Variants in SLC3A2 observed in about 807,000 individuals in gnomAD.
The protein encoded by SLC3A2 is solute carrier family 3 member 2, also known as amino acid transporter heavy chain SLC3A2.
SLC3A2 carries 32 observed loss-of-function variants against 48.5 expected under a neutral mutation model. That is an observed-to-expected ratio of 0.66 (90% CI 0.50 to 0.89). SLC3A2 has a LOEUF of 0.89. Ranked by LOEUF, SLC3A2 falls within the 40% of genes least tolerant of loss-of-function variation. The pLI, the probability that SLC3A2 is intolerant of heterozygous loss-of-function variation, is 0.00. For synonymous variants in SLC3A2, 277 were observed against 288.8 expected (o/e 0.96, Z 0.41); for missense variants, 587 against 680.7 (o/e 0.86, Z 1.53).
Position 62,886,289 on chromosome 11 carries a change from C to CAA in SLC3A2, c.1143+691_1143+692dup, listed in dbSNP as rs201054211. ...GGGCGGCAGAGGGAGACTCCTTCTC[C>CAA]AAAAAAAAAAAGAAAAGAAAAGAAA... On this transcript the variant is annotated intron_variant, in intron 7 of 8. Transcript: ENST00000338663. 417 of 132,766 alleles carry CAA rather than the reference C, an allele frequency of 3.1e-3. 3 individuals carry two copies. Among genetic ancestry groups the CAA allele is most frequent in the African/African-American group, 9.4e-3 (346 of 36,620 alleles). 8.2% of individuals were successfully genotyped at this position (132,766 alleles called of 1,614,324 possible). A position where few individuals can be genotyped will look rare whatever the true frequency, so the allele number is the denominator to read the frequency against.
In SLC3A2 at chr11:62,857,695, CAAAAAA is replaced by C. The variant is rs56818745; in HGVS notation, c.112+1337_112+1342del. ...TGGATGACTGAGATTGACCCTGTCTCAAAAAAAAAAAAAAAAAAAAAAAAAAAATGT... is the reference window on the plus strand; with the variant it reads ...TGGATGACTGAGATTGACCCTGTCTCAAAAAAAAAAAAAAAAAAAAAATGT... On this transcript the variant is annotated intron_variant, in intron 1 of 9. Coordinates refer to the SLC3A2 transcript ENST00000377889. 6.4e-3 allele frequency among the ~76,000 whole-genome samples: 340 copies of C among 52,814 alleles called. 1 individual carries two copies. Among genetic ancestry groups the C allele is most frequent in the African/African-American group, 0.023 (288 of 12,676 alleles). 34.6% of individuals were successfully genotyped at this position (52,814 alleles called of 152,430 possible).
chr11:62,858,978 C>T (rs1168424971), intron 1 of SLC3A2, among the ~76,000 whole-genome samples: 4 of 152,048 alleles, frequency 2.6e-5, no homozygotes, highest in African/African-American at 7.2e-5. Context: ...TGCCCAGGGA[C>T]GGGCAGGAGA....
chr11:62,862,333 CA>C (rs71065311), intron 1 of SLC3A2, among the ~76,000 whole-genome samples: 5 of 55,910 alleles, frequency 8.9e-5, no homozygotes, highest in Admixed American at 2.8e-4. Context: ...GACTCTGTCT[CA>C]AAAAAAAAAA....
Position 62,884,545 on chromosome 11 carries a change from T to C in SLC3A2, c.759+20T>C. ...CTGAAGGTGAGTTCCCTTTCCACAT[T>C]AGGGACAAAGCTTGGGCGAGAACAG... On this transcript the variant is annotated intron_variant, in intron 4 of 8. Coordinates refer to ENST00000338663, the MANE Select transcript of SLC3A2 (RefSeq NM_001013251.3). 6.2e-7 allele frequency: 1 copy of C among 1,614,088 alleles called. No individual in the cohort carries two copies. The highest frequency in any genetic ancestry group is 1.7e-5 in the Admixed American group (1 of 60,022).
intron 1 of SLC3A2, among the ~76,000 whole-genome samples, chr11:62,857,306 G>A (rs943785587): frequency 6.6e-6 from 1 of 151,780 alleles, no homozygotes; most frequent in African/African-American, 2.4e-5. Flanking sequence ...TGTGTTTTTC[G>A]GAGAGACGGG....
chr11:62,883,202 T>G, intron 3 of SLC3A2: 1 of 542,292 alleles, frequency 1.8e-6, no homozygotes, highest in Non-Finnish European at 3.3e-6. Flanking sequence ...CTCTTATTTT[T>G]CTTATTTCCT....
intron 2 of SLC3A2, 186 bp from the exon 3 acceptor site, chr11:62,882,722 T>C: frequency 1.7e-6 from 1 of 588,222 alleles, no homozygotes; most frequent in Non-Finnish European, 3.1e-6. Context: ...CTGGCCTGCC[T>C]TCCCATATCT....
Position 62,885,514 on chromosome 11 carries a change from G to A in SLC3A2, c.1049G>A (p.Arg350Gln), listed in dbSNP as rs148443520. ...TCCTTCTTGCCGGCTCAACTTCTCCGACTCTACCAGCTGATGCTCTTCACC... is the reference window on the plus strand; with the variant it reads ...TCCTTCTTGCCGGCTCAACTTCTCCAACTCTACCAGCTGATGCTCTTCACC... ...LTSFLPAQLL[R>Q]LYQLMLFTLP... Residue 350 changes from arginine (R) to glutamine (Q), a missense_variant, in exon 7 of 9, where the codon CGA becomes CAA. Physicochemically the swap from Arg to Gln is conservative, Grantham distance 43. Transcript: ENST00000338663. The A allele has an allele frequency of 2.5e-4, 397 of 1,614,116 alleles. No individual in the cohort carries two copies. The highest frequency in any genetic ancestry group is 3.1e-4 in the Non-Finnish European group (366 of 1,180,012).
chr11:62,885,400 A>C, intron 6 of SLC3A2, 43 bp downstream of exon 6: 1 of 1,613,904 alleles, frequency 6.2e-7, no homozygotes, highest in Non-Finnish European at 8.5e-7. Flanking sequence ...TGGGAGAAGA[A>C]AGGGTTGTTG....
chr11:62,883,760 C>T (rs578079288), intron 3 of SLC3A2: 6 of 295,508 alleles, frequency 2.0e-5, no homozygotes, highest in Non-Finnish European at 6.8e-6. Context: ...GCATGAGGGG[C>T]GGTACCCTCA....
At position 62,880,901 on chromosome 11, in the gene SLC3A2, C is replaced by T; in HGVS notation, c.-123C>T. On this transcript the variant is annotated 5_prime_UTR_variant, in exon 1 of 9. An upstream open reading frame in the 5' UTR gains an earlier in-frame stop. Coordinates refer to ENST00000338663, the MANE Select transcript of SLC3A2 (RefSeq NM_001013251.3). ...GGCCGCGCCTGCTGCTGAGCAGATGCAGTAGCCGAAACTGCGCGGAGGCAC... is the reference window on the plus strand; with the variant it reads ...GGCCGCGCCTGCTGCTGAGCAGATGTAGTAGCCGAAACTGCGCGGAGGCAC... 6 of 1,444,470 alleles carry T rather than the reference C, an allele frequency of 4.2e-6. No homozygotes were observed. Among genetic ancestry groups the T allele is most frequent in the Non-Finnish European group, 5.5e-6 (6 of 1,098,522 alleles). The allele number at this position is 1,444,470 out of a possible 1,614,324, so 89.5% of individuals were successfully genotyped here.
chr11:62,881,244 G>GC lies in SLC3A2; in HGVS notation c.225dup (p.Gly76ArgfsTer95). 1 of 1,584,450 alleles carries GC rather than the reference G, an allele frequency of 6.3e-7. No individual in the cohort carries two copies. The highest frequency in any genetic ancestry group is 1.1e-5 in the South Asian group (1 of 87,134). On this transcript the variant is annotated frameshift_variant, in exon 1 of 9. Transcript: ENST00000338663. LOFTEE classifies it high-confidence loss of function. This position sits in a 1 kb window ranked among gnomAD's most constrained non-coding sequence, Gnocchi z 4.0. ...GAGGAGCTGCTGAAGGTGGCAGGCAGCCCCGGCTGGGTACGCACCCGCTGG... is the reference window on the plus strand; with the variant it reads ...GAGGAGCTGCTGAAGGTGGCAGGCAGCCCCCGGCTGGGTACGCACCCGCTGG...
In SLC3A2 at chr11:62,885,173, G is replaced by T; in HGVS notation, c.819-4G>T. On this transcript the variant is annotated splice_region_variant and splice_polypyrimidine_tract_variant and intron_variant, in intron 5 of 8. Transcript: ENST00000338663. ...AACCTTGAACTCCTCCCTCCCCTCT[G>T]CAGGCTCTTGATTGCGGGGACTAAC... 3.1e-6 allele frequency: 5 copies of T among 1,613,730 alleles called. No individual in the cohort carries two copies. Among genetic ancestry groups the T allele is most frequent in the Non-Finnish European group, 4.2e-6 (5 of 1,179,880 alleles).
Position 62,884,455 on chromosome 11 carries a change from A to T in SLC3A2, c.691-2A>T. On this transcript the variant is annotated splice_acceptor_variant, in intron 3 of 8. Transcript: ENST00000338663. LOFTEE classifies it high-confidence loss of function. Reference sequence around the variant, plus strand: ...TGTCCTTTATTCTTCTGCCCCCTATAGGATGCTCTGGAGTTTTGGCTGCAA... The same window carrying T: ...TGTCCTTTATTCTTCTGCCCCCTATTGGATGCTCTGGAGTTTTGGCTGCAA... The T allele has an allele frequency of 6.2e-7, 1 of 1,614,134 alleles. No individual in the cohort carries two copies. The highest frequency in any genetic ancestry group is 8.5e-7 in the Non-Finnish European group (1 of 1,180,012).
In SLC3A2 at chr11:62,881,748, C is replaced by T. The variant is rs1173696649; in HGVS notation, c.425-145C>T. The T allele has an allele frequency of 1.0e-6, 1 of 964,796 alleles. No individual in the cohort carries two copies. The highest frequency in any genetic ancestry group is 1.5e-6 in the Non-Finnish European group (1 of 654,234). The allele number at this position is 964,796 out of a possible 1,614,324, so 59.8% of individuals were successfully genotyped here. On this transcript the variant is annotated intron_variant, in intron 1 of 8. Transcript: ENST00000338663. The surrounding 1 kb of genome is among the most constrained non-coding windows in gnomAD (Gnocchi z 4.0). ...TGTGCAGGACTCCTTACATCAGCTCCTCTGAGTCTCGTGATTCAGCCTTGC... is the reference window on the plus strand; with the variant it reads ...TGTGCAGGACTCCTTACATCAGCTCTTCTGAGTCTCGTGATTCAGCCTTGC...
chr11:62,875,374 G>A (rs972744656), intron 1 of SLC3A2, among the ~76,000 whole-genome samples: 8 of 152,036 alleles, frequency 5.3e-5, no homozygotes, highest in Admixed American at 5.2e-4. Context: ...GTGAAACCCC[G>A]TCTCTACTAA....
chr11:62,874,555 A>G (rs1590627368), intron 1 of SLC3A2, among the ~76,000 whole-genome samples: 1 of 151,974 alleles, frequency 6.6e-6, no homozygotes, highest in African/African-American at 2.4e-5. Flanking sequence ...TGCATTCTTC[A>G]CCCTTTAGTA....
intron 1 of SLC3A2, among the ~76,000 whole-genome samples, chr11:62,864,260 A>G (rs959093078): frequency 6.6e-6 from 1 of 151,676 alleles, no homozygotes; most frequent in East Asian, 1.9e-4. Flanking sequence ...CAAGGACCCA[A>G]TGCGATTACT....
chr11:62,872,321 T>C (rs904258381), intron 1 of SLC3A2, among the ~76,000 whole-genome samples: 1 of 152,180 alleles, frequency 6.6e-6, no homozygotes, highest in African/African-American at 2.4e-5. Flanking sequence ...CGAGACCAGC[T>C]TGGACAACAT....
Sources: allele counts gnomAD v4.1 joint callset (sites outside exome capture counted in the v4.1 genomes callset), GRCh38; gene constraint gnomAD v4.1.1; non-coding constraint Gnocchi (gnomAD v3.1); transcripts MANE v1.5; gene names NCBI Gene and HGNC (gene_info 2026-07-23, HGNC 2026-07-21).